STARD8: variants seen among roughly 807,000 people sequenced by gnomAD.
The protein encoded by STARD8 is StAR related lipid transfer domain containing 8, also known as stAR-related lipid transfer protein 8.
STARD8 carries 25 observed loss-of-function variants against 69.4 expected under a neutral mutation model. The ratio of observed to expected loss-of-function variants is 0.36; its 90% CI spans 0.26 to 0.50. STARD8 has a LOEUF of 0.50. Ranked by LOEUF, STARD8 falls within the 20% of genes least tolerant of loss-of-function variation. The pLI, the probability that STARD8 is intolerant of heterozygous loss-of-function variation, is 0.96. For missense variants in STARD8, 921 were observed against 932.5 expected (o/e 0.99, Z 0.16); for synonymous variants, 389 against 374.6 (o/e 1.04, Z -0.45).
chrX:68,708,766 C>G (rs1170940194), intron 2 of STARD8, among the ~76,000 whole-genome samples: 1 of 112,560 alleles, frequency 8.9e-6, no homozygotes, highest in East Asian at 2.8e-4. Flanking sequence ...CAGAATATAG[C>G]CTTTAAAACT....
At chrX:68,690,752 T>A (rs1323571136) in intron 2 of STARD8, among the ~76,000 whole-genome samples, 1 of 112,235 alleles carries the variant, frequency 8.9e-6, no homozygotes, top group African/African-American at 3.2e-5. Context: ...AACAAGAAAG[T>A]GGTAGAACTG....
intron 2 of STARD8, among the ~76,000 whole-genome samples, chrX:68,684,397 C>A (rs993318469): frequency 8.3e-5 from 9 of 108,105 alleles, no homozygotes; most frequent in African/African-American, 2.0e-4. Context: ...CTGGACAGGG[C>A]GGGAGATGCC....
Position 68,720,383 on chromosome X carries a change from A to G in STARD8, c.2009A>G (p.Gln670Arg). ...RTGQPLPQSI[Q>R]QAMRYLRSQC... Reference sequence around the variant, plus strand: ...GGCCAGCCACTGCCACAGAGCATTCAGCAAGCCATGCGCTACTTGCGCAGC... The same window carrying G: ...GGCCAGCCACTGCCACAGAGCATTCGGCAAGCCATGCGCTACTTGCGCAGC... The change falls in exon 8 of 15, where the codon CAG (glutamine) becomes CGG (arginine). Residue 670 changes from glutamine (Q) to arginine (R), a missense_variant. Transcript: ENST00000374599. The G allele has an allele frequency of 8.3e-7, 1 of 1,201,407 alleles. No individual in the cohort carries two copies.
intron 1 of STARD8, among the ~76,000 whole-genome samples, chrX:68,650,194 C>T (rs779324900): frequency 9.0e-6 from 1 of 110,717 alleles, no homozygotes; most frequent in Non-Finnish European, 1.9e-5. Flanking sequence ...GAGGCCAATG[C>T]GAGAGGATTG....
chrX:68,677,420 G>C (rs1177499235), intron 2 of STARD8, among the ~76,000 whole-genome samples: 9 of 111,850 alleles, frequency 8.0e-5, no homozygotes, highest in African/African-American at 2.6e-4. Flanking sequence ...ACTGCAACTT[G>C]ACTGTAAGCA....
intron 2 of STARD8, 108 bp downstream of exon 2, chrX:68,665,640 A>T (rs2147880301): frequency 1.2e-6 from 1 of 843,846 alleles, no homozygotes; most frequent in African/African-American, 2.0e-5. Flanking sequence ...CCAACGGCCG[A>T]GATGCAAAAG....
rs749150249 is a variant in STARD8 at position 68,719,212 on chromosome X, C to T, written c.1716-13C>T. The stretch of plus-strand genomic sequence containing the variant: ...CTCTGGGCTTCTCCACCCCTCTCAC[C>T]GCCCCCCACCAGGAAGCTCCGTTGG... On this transcript the variant is annotated splice_polypyrimidine_tract_variant and intron_variant, in intron 6 of 14. Transcript: ENST00000374599. 9.4e-6 allele frequency: 11 copies of T among 1,166,824 alleles called. No homozygotes were observed. The highest frequency in any genetic ancestry group is 7.1e-5 in the African/African-American group (4 of 56,084).
intron 2 of STARD8, among the ~76,000 whole-genome samples, chrX:68,698,709 A>G: frequency 9.1e-6 from 1 of 110,479 alleles, no homozygotes; most frequent in Non-Finnish European, 1.9e-5. Flanking sequence ...CCGTGGGCCT[A>G]CTACAGAGTT....
At position 68,721,019 on chromosome X, in the gene STARD8, G is replaced by A. The variant is rs2080143723; in HGVS notation, c.2145G>A (p.Gln715=). 8.3e-7 allele frequency: 1 copy of A among 1,211,931 alleles called. No homozygotes were observed. Among genetic ancestry groups the A allele is most frequent in the East Asian group, 3.0e-5 (1 of 33,844 alleles). Residue 715 remains glutamine, a synonymous_variant, in exon 9 of 15, where the codon CAG becomes CAA. Coordinates refer to ENST00000374599, the MANE Select transcript of STARD8 (RefSeq NM_001142503.3). ...TSPDNVCYEG[Q]SAYDVADLLK... ...CTGACAATGTCTGCTACGAGGGCCA[G>A]TCAGCCTACGACGTGGCTGACCTGC... is the stretch of plus-strand genomic sequence containing the variant.
Position 68,722,617 on chromosome X carries a change from C to T in STARD8, c.2770C>T (p.Pro924Ser). 1 of 1,211,781 alleles carries T rather than the reference C, an allele frequency of 8.3e-7. No individual in the cohort carries two copies. Among genetic ancestry groups the T allele is most frequent in the Non-Finnish European group, 1.1e-6 (1 of 895,502 alleles). The change falls in exon 12 of 15, where the codon CCC becomes TCC. Residue 924 changes from proline to serine, a missense_variant. By Grantham distance (74) the Pro-to-Ser change is moderately conservative. Transcript: ENST00000374599. ...RFKGWMSVPG[P>S]QHTELACRKA... is the part of the protein sequence containing the mutation. ...CAAGGGCTGGATGAGCGTGCCAGGG[C>T]CCCAGCACACGGAGCTGGCTTGCAG...
chrX:68,668,483 C>T (rs937357898), intron 2 of STARD8, among the ~76,000 whole-genome samples: 1 of 109,263 alleles, frequency 9.2e-6, no homozygotes, highest in Non-Finnish European at 1.9e-5. Context: ...TGCATCGCCA[C>T]GCCCAGCTCA....
chrX:68,716,276 C>A (rs2080090283), intron 4 of STARD8, 92 bp from the exon 5 acceptor site: 1 of 880,364 alleles, frequency 1.1e-6, no homozygotes, highest in Non-Finnish European at 1.6e-6. Context: ...GTTTTGATGG[C>A]TTGGGCATGT....
chrX:68,647,999 C>T, intron 1 of STARD8, 72 bp downstream of exon 1: 1 of 1,130,649 alleles, frequency 8.8e-7, no homozygotes, highest in East Asian at 3.3e-5. Flanking sequence ...CCACTGCGCA[C>T]CAGCTGGGAA....
chrX:68,652,978 AC>A (rs2079566018), intron 1 of STARD8, among the ~76,000 whole-genome samples: 3 of 53,985 alleles, frequency 5.6e-5, no homozygotes, highest in South Asian at 1.1e-3. Flanking sequence ...CACACCACAC[AC>A]CACACACACA....
In STARD8 at chrX:68,712,918, C is replaced by T. The variant is rs769616567; in HGVS notation, c.84C>T (p.Ala28=). 7.5e-6 allele frequency: 9 copies of T among 1,203,399 alleles called. No individual in the cohort carries two copies. Among genetic ancestry groups the T allele is most frequent in the South Asian group, 5.4e-5 (3 of 55,282 alleles). The change falls in exon 3 of 15, where the codon GCC becomes GCT. Residue 28 remains alanine (A), a synonymous_variant. Transcript: ENST00000374599. ...PLLQVKKNAE[A]EAKRACEWLQ... is the part of the protein sequence containing the mutation. ...CTTTCCCTTGTTCTGTTTTAGAAGC[C>T]GAGGCCAAAAGAGCATGTGAGTGGC...
At chrX:68,721,833 G>A in intron 10 of STARD8, 87 bp downstream of exon 10, 1 of 973,050 alleles carries the variant, frequency 1.0e-6, no homozygotes, top group Non-Finnish European at 1.4e-6. Context: ...GGCTGGCACT[G>A]CTGTGTCTCA....
intron 2 of STARD8, among the ~76,000 whole-genome samples, chrX:68,712,397 A>G (rs2080057954): frequency 8.9e-6 from 1 of 112,513 alleles, no homozygotes; most frequent in African/African-American, 3.2e-5. Flanking sequence ...ATCACCAGTT[A>G]TTGTGTGTGT....
At chrX:68,652,819 ACACACCC>A (rs1476740562) in intron 1 of STARD8, among the ~76,000 whole-genome samples, 2 of 39,133 alleles carry the variant, frequency 5.1e-5, no homozygotes, top group East Asian at 8.3e-4. Context: ...CACACACCCC[ACACACCC>A]CACACCCCAC....
At chrX:68,670,428 T>C (rs191669099) in intron 2 of STARD8, among the ~76,000 whole-genome samples, 62 of 111,537 alleles carry the variant, frequency 5.6e-4, no homozygotes, top group African/African-American at 2.0e-3. Context: ...GGGGAAGGAT[T>C]TCCAGGCCTG....
Sources: allele counts gnomAD v4.1 joint callset (sites outside exome capture counted in the v4.1 genomes callset), GRCh38; gene constraint gnomAD v4.1.1; transcripts MANE v1.5; gene names NCBI Gene and HGNC (gene_info 2026-07-23, HGNC 2026-07-21).